TOGARAM2: variants seen among roughly 807,000 people sequenced by gnomAD.
TOGARAM2 encodes TOG array regulator of axonemal microtubules 2, also known as TOG array regulator of axonemal microtubules protein 2.
Under a neutral mutation model 93.3 loss-of-function variants are expected in TOGARAM2, and 85 were observed. The observed-to-expected ratio is 0.91, with a 90% CI of 0.76 to 1.09. The LOEUF (loss-of-function observed/expected upper bound fraction) is 1.09, where lower values mean the gene tolerates loss of function less well. Ranked by LOEUF, TOGARAM2 falls within the 50% of genes least tolerant of loss-of-function variation. The pLI, the probability that TOGARAM2 is intolerant of heterozygous loss-of-function variation, is 0.00. For synonymous variants in TOGARAM2, 593 were observed against 552.8 expected, an observed-to-expected ratio of 1.07 and a Z score of -1.02; for missense variants, 1,277 against 1,334.5, an observed-to-expected ratio of 0.96 and a Z score of 0.67.
intron 8 of TOGARAM2, among the ~76,000 whole-genome samples, chr2:29,015,433 G>C (rs1388461835): frequency 2.0e-5 from 3 of 152,148 alleles, no homozygotes; most frequent in Non-Finnish European, 4.4e-5. Flanking sequence ...TAATCCTTCA[G>C]TTCCAACACT....
At chr2:29,014,611 G>T in intron 8 of TOGARAM2, 50 bp downstream of exon 8, 2 of 1,539,488 alleles carry the variant, frequency 1.3e-6, no homozygotes. Flanking sequence ...TGGACCGCAG[G>T]CTGCAGGAAG....
intron 6 of TOGARAM2, among the ~76,000 whole-genome samples, chr2:29,007,500 T>C (rs549508827): frequency 5.6e-4 from 86 of 152,254 alleles, no homozygotes; most frequent in Non-Finnish European, 1.1e-3. Flanking sequence ...TCCACCCCTT[T>C]CTTGCCCCTG....
intron 1 of TOGARAM2, 84 bp from the exon 2 acceptor site, chr2:28,994,641 T>G (rs1412108467): frequency 1.9e-6 from 1 of 531,476 alleles, no homozygotes. Flanking sequence ...CAATAATGCT[T>G]TAGCCCCTGA....
chr2:28,961,298 G>C (rs969780369), intron 1 of TOGARAM2, among the ~76,000 whole-genome samples: 1 of 151,892 alleles, frequency 6.6e-6, no homozygotes, highest in African/African-American at 2.4e-5. Flanking sequence ...GTAGACAAAG[G>C]CTTTTGTTTA....
chr2:29,002,101 C>T (rs543014218), intron 4 of TOGARAM2, among the ~76,000 whole-genome samples: 19 of 152,074 alleles, frequency 1.2e-4, no homozygotes, highest in East Asian at 5.8e-4. Flanking sequence ...CATCACCAGC[C>T]GAAAAGGAAG....
rs372053072 is a variant in TOGARAM2 at position 28,959,786 on chromosome 2, C to T, written c.-147+3089C>T. Among the ~76,000 whole-genome samples, 30 of 152,252 alleles carry T rather than the reference C, an allele frequency of 2.0e-4. No homozygotes were observed. The East Asian group carries it at 3.1e-3, about 16-fold the overall frequency. On this transcript the variant is annotated intron_variant, in intron 1 of 6. Coordinates refer to the TOGARAM2 transcript ENST00000401723. ...AATAGTATGATGATCTGTATATACA[C>T]GCCACTTAAAGTAAAACACTGTTGA...
intron 12 of TOGARAM2, among the ~76,000 whole-genome samples, chr2:29,023,672 G>A (rs576252060): frequency 3.3e-5 from 5 of 152,130 alleles, no homozygotes; most frequent in East Asian, 3.9e-4. Context: ...TACGGAGGAC[G>A]CTGTTTTGTT....
At chr2:29,042,658 C>G (rs184442000) in intron 18 of TOGARAM2, among the ~76,000 whole-genome samples, 1 of 152,210 alleles carries the variant, frequency 6.6e-6, no homozygotes, top group Non-Finnish European at 1.5e-5. Flanking sequence ...CTCCCACACA[C>G]AGCTGCGCCG....
intron 2 of TOGARAM2, among the ~76,000 whole-genome samples, chr2:28,996,641 G>A (rs1673002177): frequency 6.6e-6 from 1 of 151,824 alleles, no homozygotes; most frequent in Admixed American, 6.6e-5. Context: ...GGGCAACATG[G>A]TGAAACCCTG....
At chr2:29,005,469 ATGTGTG>A (rs199888115) in intron 6 of TOGARAM2, among the ~76,000 whole-genome samples, 10,084 of 58,118 alleles carry the variant, frequency 0.17, 447 homozygotes, top group African/African-American at 0.2. Context: ...GTGTGACTGC[ATGTGTG>A]TGCATGTGTG....
chr2:28,980,489 T>G (rs539821568), upstream of TOGARAM2, among the ~76,000 whole-genome samples: 20 of 152,338 alleles, frequency 1.3e-4, no homozygotes, highest in East Asian at 1.2e-3. Flanking sequence ...GAGTGGCTGT[T>G]TGCAAGCCTG....
At chr2:29,005,117 G>GT (rs1460843705) in intron 6 of TOGARAM2, among the ~76,000 whole-genome samples, 1 of 139,840 alleles carries the variant, frequency 7.2e-6, no homozygotes, top group African/African-American at 2.8e-5. Context: ...GCATGTGTAT[G>GT]GGTGTGTGTG....
chr2:28,993,292 T>G (rs1572648960), intron 1 of TOGARAM2, among the ~76,000 whole-genome samples: 1 of 152,104 alleles, frequency 6.6e-6, no homozygotes, highest in Admixed American at 6.5e-5. Flanking sequence ...GGGGAACAGG[T>G]GGGGCTTGCA....
intron 7 of TOGARAM2, among the ~76,000 whole-genome samples, chr2:29,014,039 T>C (rs1027420555): frequency 6.6e-6 from 1 of 152,194 alleles, no homozygotes; most frequent in Non-Finnish European, 1.5e-5. Flanking sequence ...TTGCTTTTTC[T>C]TTTCCTGCCG....
chr2:29,020,972 G>A (rs1664905013), intron 10 of TOGARAM2, among the ~76,000 whole-genome samples: 1 of 152,174 alleles, frequency 6.6e-6, no homozygotes, highest in Admixed American at 6.5e-5. Context: ...GGAGTGCAGT[G>A]ACATGATCTC....
At chr2:28,980,957 C>G (rs1270627689), upstream of TOGARAM2, among the ~76,000 whole-genome samples, 1 of 152,224 alleles carries the variant, frequency 6.6e-6, no homozygotes, top group Non-Finnish European at 1.5e-5. Context: ...TGCCTGCTGC[C>G]AAGGCCTGGA....
At chr2:28,969,843 G>A (rs865969999) in intron 1 of TOGARAM2, among the ~76,000 whole-genome samples, 3 of 95,560 alleles carry the variant, frequency 3.1e-5, no homozygotes, top group African/African-American at 4.1e-5. Context: ...ACGGAGTTTC[G>A]CTCTTATTGC....
rs552362698 is a variant in TOGARAM2, at chr2:28,991,486, G to A, written c.-110-3239G>A. ...TTCCTTTCTCTGTCACCTTGGTGTG[G>A]GCTCTACTGTTCCCACCAGCTTTGT... is the stretch of plus-strand genomic sequence containing the variant. On this transcript the variant is annotated intron_variant, in intron 1 of 19. Coordinates refer to ENST00000379558, the MANE Select transcript of TOGARAM2 (RefSeq NM_199280.4). 1.4e-4 allele frequency among the ~76,000 whole-genome samples: 22 copies of A among 152,336 alleles called. No homozygotes were observed. In the South Asian group the frequency reaches 4.6e-3, roughly 32 times the overall value.
chr2:28,990,271 A>C (rs1316085396), intron 1 of TOGARAM2, among the ~76,000 whole-genome samples: 1 of 152,112 alleles, frequency 6.6e-6, no homozygotes, highest in Non-Finnish European at 1.5e-5. Flanking sequence ...ACATCTCTAC[A>C]TGTCAGTGCT....
Sources: allele counts gnomAD v4.1 joint callset (sites outside exome capture counted in the v4.1 genomes callset), GRCh38; gene constraint gnomAD v4.1.1; transcripts MANE v1.5; gene names NCBI Gene and HGNC (gene_info 2026-07-23, HGNC 2026-07-21).